Variants in ACYP2 observed in about 807,000 individuals in gnomAD.
The protein encoded by ACYP2 is acylphosphatase 2.
A neutral mutation model predicts 11.2 loss-of-function variants in ACYP2; 12 were observed. The ratio of observed to expected loss-of-function variants is 1.08; its 90% CI spans 0.69 to 1.74. The LOEUF (loss-of-function observed/expected upper bound fraction) is 1.74, where lower values mean the gene tolerates loss of function less well. Among genes scored for constraint, ACYP2 ranks in the 40% most tolerant of loss-of-function variants. The pLI is 0.00. For missense variants in ACYP2, 134 were observed against 101.9 expected (o/e 1.31, Z -1.35); for synonymous variants, 43 against 32.2 (o/e 1.33, Z -1.13).
intron 6 of ACYP2, among the ~76,000 whole-genome samples, chr2:54,207,173 A>ATGTGTGTG (rs58920943): frequency 0.021 from 2,939 of 138,674 alleles, 86 homozygotes; most frequent in African/African-American, 0.058. Context: ...CAACATGTAT[A>ATGTGTGTG]TGTGTGTGTG....
chr2:54,061,456 T>C (rs968427123), intron 4 of ACYP2, among the ~76,000 whole-genome samples: 5 of 152,190 alleles, frequency 3.3e-5, no homozygotes, highest in African/African-American at 1.2e-4. Context: ...CATGGGAGTA[T>C]GACTCCTGAA....
chr2:54,270,563 C>G (rs556400315), intron 6 of ACYP2, among the ~76,000 whole-genome samples: 1 of 152,052 alleles, frequency 6.6e-6, no homozygotes, highest in African/African-American at 2.4e-5. Flanking sequence ...GCCATGATCA[C>G]ACAACTACAC....
intron 2 of ACYP2, among the ~76,000 whole-genome samples, chr2:54,044,878 A>G (rs896460825): frequency 6.6e-6 from 1 of 152,184 alleles, no homozygotes; most frequent in Non-Finnish European, 1.5e-5. Context: ...ATCAGAAAAG[A>G]AGGGAGGGAC....
intron 4 of ACYP2, among the ~76,000 whole-genome samples, chr2:54,118,244 G>C (rs550902228): frequency 5.9e-5 from 9 of 152,286 alleles, no homozygotes; most frequent in Middle Eastern, 3.4e-3. Context: ...ATCCTGCTTT[G>C]AAAACTGCCA....
intron 6 of ACYP2, among the ~76,000 whole-genome samples, chr2:54,202,947 C>T (rs775307205): frequency 2.6e-5 from 4 of 151,634 alleles, no homozygotes; most frequent in Non-Finnish European, 4.4e-5. Flanking sequence ...TACGGCTATT[C>T]GTGTTGCCTT....
chr2:54,082,455 A>T (rs2103667267), intron 4 of ACYP2: 1 of 152,294 alleles, frequency 6.6e-6, no homozygotes, highest in South Asian at 2.1e-4. Context: ...CATGTTGGCC[A>T]GGCTGGTCTG....
intron 6 of ACYP2, among the ~76,000 whole-genome samples, chr2:54,299,829 G>A (rs1689656500): frequency 6.6e-6 from 1 of 152,152 alleles, no homozygotes; most frequent in Non-Finnish European, 1.5e-5. Flanking sequence ...CTGCTTGCAG[G>A]ACAGGCACCT....
At chr2:54,222,919 C>T (rs988107959) in intron 6 of ACYP2, 2 of 152,190 alleles carry the variant, frequency 1.3e-5, no homozygotes, top group African/African-American at 4.8e-5. Flanking sequence ...GAGATCTCCA[C>T]CATTCTTTCC....
chr2:54,203,152 G>A (rs1684925752), intron 6 of ACYP2, among the ~76,000 whole-genome samples: 1 of 151,872 alleles, frequency 6.6e-6, no homozygotes, highest in African/African-American at 2.4e-5. Context: ...TTCCAACAAT[G>A]TTTTGTAGTT....
At chr2:54,285,923 A>G (rs965098579) in intron 6 of ACYP2, among the ~76,000 whole-genome samples, 1 of 152,186 alleles carries the variant, frequency 6.6e-6, no homozygotes, top group African/African-American at 2.4e-5. Flanking sequence ...AGGTCTCTGA[A>G]GGTATGGAGT....
chr2:54,291,781 C>T (rs1243123281), intron 6 of ACYP2, among the ~76,000 whole-genome samples: 1 of 152,100 alleles, frequency 6.6e-6, no homozygotes, highest in Admixed American at 6.5e-5. Context: ...TTCATAAATA[C>T]AGTATTTTTC....
At chr2:54,290,953 C>T (rs746090565) in intron 6 of ACYP2, among the ~76,000 whole-genome samples, 2 of 152,146 alleles carry the variant, frequency 1.3e-5, no homozygotes, top group Non-Finnish European at 2.9e-5. Flanking sequence ...AGAACAGAAC[C>T]GTAAAGATGT....
intron 4 of ACYP2, among the ~76,000 whole-genome samples, chr2:54,095,468 G>C (rs1678482892): frequency 6.6e-6 from 1 of 152,038 alleles, no homozygotes; most frequent in East Asian, 2.0e-4. Flanking sequence ...CGGCCGGGCA[G>C]AGGCGCCCCT....
At chr2:54,109,588 A>G (rs1051004265) in intron 4 of ACYP2, among the ~76,000 whole-genome samples, 1 of 152,192 alleles carries the variant, frequency 6.6e-6, no homozygotes, top group African/African-American at 2.4e-5. Flanking sequence ...AATAAAAAAA[A>G]TTATATGCCT....
At chr2:54,037,450 A>C (rs1573576191) in intron 2 of ACYP2, among the ~76,000 whole-genome samples, 1 of 152,026 alleles carries the variant, frequency 6.6e-6, no homozygotes. Context: ...TTGCTCTGTC[A>C]CCCAGGCTGA....
At chr2:54,219,905 A>ATATTTTTT (rs1288814375) in intron 6 of ACYP2, among the ~76,000 whole-genome samples, 45 of 75,982 alleles carry the variant, frequency 5.9e-4, no homozygotes, top group South Asian at 5.5e-3. Flanking sequence ...ATATATATAT[A>ATATTTTTT]TTTTTTTTTT....
At position 54,189,864 on chromosome 2, in the gene ACYP2, A is replaced by G. The variant is rs1279173805; in HGVS notation, c.404+51116A>G. Among the ~76,000 whole-genome samples, 4 of 152,118 alleles carry G rather than the reference A, an allele frequency of 2.6e-5. No homozygotes were observed. In the East Asian group the frequency reaches 7.7e-4, roughly 29 times the overall value. On this transcript the variant is annotated intron_variant, in intron 6 of 6. Coordinates refer to ENST00000607452, the MANE Select transcript of ACYP2 (RefSeq NM_001320586.2). ...TTCTCTTTTCTCCACATCCTTGCCAATACTTGTTATCTCTTTTTAATTATG... is the reference window on the plus strand; with the variant it reads ...TTCTCTTTTCTCCACATCCTTGCCAGTACTTGTTATCTCTTTTTAATTATG...
At chr2:54,126,979 C>G (rs959683240) in intron 4 of ACYP2, among the ~76,000 whole-genome samples, 2 of 149,696 alleles carry the variant, frequency 1.3e-5, no homozygotes, top group Non-Finnish European at 3.0e-5. Flanking sequence ...AATTGACATG[C>G]AAAAAAGTAT....
intron 2 of ACYP2, among the ~76,000 whole-genome samples, chr2:54,017,270 TTC>T (rs1236925904): frequency 2.5e-5 from 3 of 118,480 alleles, no homozygotes; most frequent in African/African-American, 1.3e-4. Flanking sequence ...TTCTTTTCTT[TTC>T]TTTTTTTTTT....
Sources: allele counts gnomAD v4.1 joint callset (sites outside exome capture counted in the v4.1 genomes callset), GRCh38; gene constraint gnomAD v4.1.1; transcripts MANE v1.5; gene names NCBI Gene and HGNC (gene_info 2026-07-23, HGNC 2026-07-21).